Variants in IP6K3 observed in about 807,000 individuals in gnomAD.
IP6K3 encodes the protein inositol hexakisphosphate kinase 3.
A neutral mutation model predicts 28.8 loss-of-function variants in IP6K3; 20 were observed. That is an observed-to-expected ratio of 0.70 (90% CI 0.49 to 1.01). The LOEUF (loss-of-function observed/expected upper bound fraction) is 1.01. Among genes scored for constraint, IP6K3 ranks in the 50% least tolerant of loss-of-function variants. The probability of loss-of-function intolerance (pLI) is 0.00; values close to 1 mark genes in which losing one functional copy is unlikely to be tolerated. For synonymous variants in IP6K3, 213 were observed against 221.3 expected (o/e 0.96, Z 0.33); for missense variants, 480 against 537.1 (o/e 0.89, Z 1.05).
At chr6:33,756,364 A>G in the IP6K3 span, among the ~76,000 whole-genome samples, 1 of 151,318 alleles carries the variant, frequency 6.6e-6, no homozygotes. Context: ...AGAGGAGGCC[A>G]GGAAGAGGCG....
At chr6:33,753,189 A>G in the IP6K3 span, among the ~76,000 whole-genome samples, 2 of 152,208 alleles carry the variant, frequency 1.3e-5, no homozygotes, top group African/African-American at 4.8e-5. Flanking sequence ...AAGTGCTAGA[A>G]TTACAGGCAT....
chr6:33,759,871 TAA>T, the IP6K3 span, among the ~76,000 whole-genome samples: 13 of 137,194 alleles, frequency 9.5e-5, no homozygotes, highest in Non-Finnish European at 9.5e-5. Flanking sequence ...AGACTCCGTC[TAA>T]AAAAAAAAAA....
intron 2 of IP6K3, among the ~76,000 whole-genome samples, chr6:33,729,704 T>C (rs1159746701): frequency 6.6e-6 from 1 of 152,070 alleles, no homozygotes; most frequent in Non-Finnish European, 1.5e-5. Context: ...ACAGTTCCTT[T>C]TTTCTTTCTT....
At chr6:33,758,695 G>T in the IP6K3 span, among the ~76,000 whole-genome samples, 1 of 152,070 alleles carries the variant, frequency 6.6e-6, no homozygotes, top group African/African-American at 2.4e-5. Flanking sequence ...TGCCTCCCAG[G>T]TTCAAGCATT....
At chr6:33,761,654 C>A in the IP6K3 span, among the ~76,000 whole-genome samples, 12 of 152,070 alleles carry the variant, frequency 7.9e-5, no homozygotes, top group African/African-American at 2.9e-4. Context: ...GCTCTCCCCT[C>A]CTCTCCAGAG....
intron 2 of IP6K3, among the ~76,000 whole-genome samples, chr6:33,730,592 A>C (rs1450748717): frequency 6.6e-6 from 1 of 152,210 alleles, no homozygotes; most frequent in Non-Finnish European, 1.5e-5. Flanking sequence ...CGGCAGGTTG[A>C]GGAAGGAATC....
chr6:33,751,527 C>T (rs1051017054), upstream of IP6K3, among the ~76,000 whole-genome samples: 3 of 133,452 alleles, frequency 2.2e-5, no homozygotes, highest in Non-Finnish European at 3.3e-5. The surrounding 1 kb of genome is among the most constrained non-coding windows in gnomAD (Gnocchi z 4.3). Flanking sequence ...TGTTTGGCCC[C>T]GGGAATGGGA....
At chr6:33,749,576 A>G (rs1262841977), upstream of IP6K3, among the ~76,000 whole-genome samples, 1 of 149,432 alleles carries the variant, frequency 6.7e-6, no homozygotes, top group African/African-American at 2.5e-5. Context: ...CCCACTGACT[A>G]GGAAGCAGCA....
chr6:33,760,342 C>G, the IP6K3 span, among the ~76,000 whole-genome samples: 1 of 152,190 alleles, frequency 6.6e-6, no homozygotes, highest in Non-Finnish European at 1.5e-5. Flanking sequence ...AATGCATGAC[C>G]TGAAGGGTGA....
At chr6:33,730,907 A>G (rs148036848) in intron 2 of IP6K3, among the ~76,000 whole-genome samples, 55 of 152,310 alleles carry the variant, frequency 3.6e-4, no homozygotes, top group African/African-American at 1.3e-3. Flanking sequence ...TGTTCTGGTC[A>G]TTCTGTTCCA....
upstream of IP6K3, among the ~76,000 whole-genome samples, chr6:33,749,451 C>T (rs116075580): frequency 5.8e-3 from 877 of 151,892 alleles, 9 homozygotes; most frequent in African/African-American, 0.02. Flanking sequence ...TCTCCATGGT[C>T]GTTTCCCCAA....
rs143352406 is a variant in IP6K3, at chr6:33,742,969, T to C, written c.-180+3789A>G. On this transcript the variant is annotated intron_variant, in intron 1 of 5. Coordinates refer to ENST00000293756, the MANE Select transcript of IP6K3 (RefSeq NM_054111.5). This position sits in a 1 kb window ranked among gnomAD's most constrained non-coding sequence, Gnocchi z 4.5. ...GGAGCAATAGGGAAGGGCAAGGAGA[T>C]GGTGGGAGGCGATGGCTGGAGGGGA... Among the ~76,000 whole-genome samples, 147 of 151,608 alleles carry C rather than the reference T, an allele frequency of 9.7e-4. 1 individual carries two copies. The South Asian group carries it at 9.8e-3, about 10-fold the overall frequency.
chr6:33,727,003 GGGTGGT>G, intron 3 of IP6K3, 97 bp from the exon 4 acceptor site: 1 of 1,313,334 alleles, frequency 7.6e-7, no homozygotes, highest in Non-Finnish European at 1.0e-6. Flanking sequence ...GGCTCTGAAA[GGGTGGT>G]CCCAGCTGCT....
rs34573836 is a variant in IP6K3, at chr6:33,723,030, G to A, written c.923C>T (p.Ala308Val). 8,699 of 1,614,050 alleles carry A rather than the reference G, an allele frequency of 5.4e-3. 122 individuals carry two copies. Among genetic ancestry groups the A allele is most frequent in the South Asian group, 0.031 (2,862 of 91,072 alleles). Residue 308 changes from alanine to valine, a missense_variant, in exon 6 of 6, where the codon GCC (alanine) becomes GTC (valine). Coordinates refer to ENST00000293756, the MANE Select transcript of IP6K3 (RefSeq NM_054111.5). ...LLEPILHQLR[A>V]LLSVIRSQSS... Reference sequence around the variant, plus strand: ...CTGGCTCCTAATGACAGAGAGGAGGGCCCGGAGCTGGTGCAGGATGGGCTC... The same window carrying A: ...CTGGCTCCTAATGACAGAGAGGAGGACCCGGAGCTGGTGCAGGATGGGCTC...
intron 2 of IP6K3, among the ~76,000 whole-genome samples, chr6:33,734,934 AC>A (rs1766460446): frequency 6.6e-6 from 1 of 152,210 alleles, no homozygotes; most frequent in Admixed American, 6.5e-5. Context: ...CCCTGTGTTT[AC>A]AGCCAGCATG....
rs569884356 is a variant in IP6K3, at chr6:33,731,171, C to T, written c.200-2871G>A. On this transcript the variant is annotated intron_variant, in intron 2 of 5. Transcript: ENST00000293756. ...GTGCAGTTCCTGGGGAACCCCGAGG[C>T]CTCCTAGCTGCCTGGGGAGCCTGGT... Among the ~76,000 whole-genome samples, 10 of 152,308 alleles carry T rather than the reference C, an allele frequency of 6.6e-5. No homozygotes were observed. The South Asian group carries it at 2.1e-3, about 32-fold the overall frequency.
chr6:33,751,520 T>TGTGTGTG (rs1561914794), upstream of IP6K3, among the ~76,000 whole-genome samples: 683 of 98,428 alleles, frequency 6.9e-3, 10 homozygotes, highest in East Asian at 0.017. The surrounding 1 kb of genome is among the most constrained non-coding windows in gnomAD (Gnocchi z 4.3). Context: ...GTGTGTGTGT[T>TGTGTGTG]TGGCCCCGGG....
the IP6K3 span, among the ~76,000 whole-genome samples, chr6:33,756,438 A>T: frequency 6.6e-6 from 1 of 152,020 alleles, no homozygotes; most frequent in Non-Finnish European, 1.5e-5. Flanking sequence ...AGAGGAAGCC[A>T]GGGGAGAGAG....
At chr6:33,743,680 C>G (rs1407927891) in intron 1 of IP6K3, among the ~76,000 whole-genome samples, 1 of 152,102 alleles carries the variant, frequency 6.6e-6, no homozygotes, top group African/African-American at 2.4e-5. Flanking sequence ...TCGGTGGGAT[C>G]AATACCTAGT....
Sources: gnomAD v4.1 joint callset for allele counts (sites outside exome capture counted in the v4.1 genomes callset) on GRCh38, gnomAD v4.1.1 for gene constraint, Gnocchi (gnomAD v3.1) non-coding constraint, MANE v1.5 for transcripts, NCBI Gene and HGNC (gene_info 2026-07-23, HGNC 2026-07-21) for gene names.